IFT74: variants seen among roughly 807,000 people sequenced by gnomAD.
IFT74 encodes the protein intraflagellar transport protein 74 homolog.
In IFT74, 92 loss-of-function variants were observed where a neutral mutation model predicts 96.7. The observed-to-expected ratio is 0.95, with a 90% confidence interval of 0.80 to 1.13. IFT74 has a LOEUF of 1.13. IFT74 is among the 50% of genes most tolerant of loss of function. The pLI is 0.00. For missense variants in IFT74, 811 were observed against 698.2 expected (o/e 1.16, Z -1.82); for synonymous variants, 223 against 213.2 (o/e 1.05, Z -0.40).
At chr9:27,038,666 C>A (rs938642376) in intron 13 of IFT74, among the ~76,000 whole-genome samples, 2 of 152,178 alleles carry the variant, frequency 1.3e-5, no homozygotes, top group African/African-American at 4.8e-5. Flanking sequence ...CATAGAAGAG[C>A]ATAGAGAAAC....
At chr9:26,998,873 A>G (rs1828314940) in intron 8 of IFT74, among the ~76,000 whole-genome samples, 1 of 151,948 alleles carries the variant, frequency 6.6e-6, no homozygotes, top group South Asian at 2.1e-4. Context: ...AAGCACCTGT[A>G]ATCCCAGCTA....
At chr9:26,962,309 C>T (rs2131481309) in intron 2 of IFT74, among the ~76,000 whole-genome samples, 1 of 152,294 alleles carries the variant, frequency 6.6e-6, no homozygotes, top group Non-Finnish European at 1.5e-5. Flanking sequence ...TTCTTTATTT[C>T]ATAAGCATAT....
chr9:26,980,419 C>G (rs1827319995), intron 3 of IFT74, 152 bp from the exon 4 acceptor site: 1 of 690,496 alleles, frequency 1.4e-6, no homozygotes, highest in African/African-American at 1.8e-5. Flanking sequence ...GGTATTAGTT[C>G]TCTTTTCAGT....
intron 13 of IFT74, among the ~76,000 whole-genome samples, chr9:27,030,613 G>A (rs941265547): frequency 1.3e-5 from 2 of 151,104 alleles, no homozygotes; most frequent in Non-Finnish European, 2.9e-5. Context: ...GTGTATGTGT[G>A]TGCTAACTAG....
At chr9:26,947,346 G>T (rs1000712928) in intron 1 of IFT74, 11 of 400,412 alleles carry the variant, frequency 2.7e-5, no homozygotes, top group African/African-American at 2.3e-4. Flanking sequence ...CTTTCCTCCA[G>T]GGCTCTGGAC....
At chr9:26,996,976 C>T (rs956988368) in intron 8 of IFT74, among the ~76,000 whole-genome samples, 9 of 152,082 alleles carry the variant, frequency 5.9e-5, no homozygotes, top group African/African-American at 1.9e-4. Flanking sequence ...TTTGGGAGGC[C>T]GAGGCGGGTG....
rs113800911 is a variant in IFT74 at position 27,037,804 on chromosome 9, T to C, written c.1055-6938T>C. Among the ~76,000 whole-genome samples, 565 of 152,272 alleles carry C rather than the reference T, an allele frequency of 3.7e-3. 4 individuals are homozygous for C. The highest frequency in any genetic ancestry group is 0.013 in the African/African-American group (539 of 41,562). On this transcript the variant is annotated intron_variant, in intron 13 of 19. Coordinates refer to ENST00000380062, the MANE Select transcript of IFT74 (RefSeq NM_025103.4). ...AATAGGAAGGCTTGGGTGATGGCCATCTTGTTCCTGGAATTCAGTTTTATT... is the reference window on the plus strand; with the variant it reads ...AATAGGAAGGCTTGGGTGATGGCCACCTTGTTCCTGGAATTCAGTTTTATT...
chr9:26,983,195 A>C (rs1251113216), intron 4 of IFT74, among the ~76,000 whole-genome samples: 1 of 152,190 alleles, frequency 6.6e-6, no homozygotes, highest in African/African-American at 2.4e-5. Context: ...CTGTTCTCAA[A>C]GCTAAGAGTA....
In IFT74 at chr9:27,018,707, G is replaced by T; in HGVS notation, c.974+20G>T. 7.0e-7 allele frequency: 1 copy of T among 1,428,496 alleles called. No individual in the cohort carries two copies. The highest frequency in any genetic ancestry group is 1.4e-5 in the South Asian group (1 of 73,278). 88.5% of individuals were successfully genotyped at this position (1,428,496 alleles called of 1,614,324 possible). ...AAGACAGTAAGTATCTTTATACTAG[G>T]ACATTTTACATCCATTTCTCACTTT... On this transcript the variant is annotated intron_variant, in intron 12 of 19. Transcript: ENST00000380062.
intron 13 of IFT74, 59 bp downstream of exon 13, chr9:27,029,163 T>A (rs1830009126): frequency 7.7e-7 from 1 of 1,293,086 alleles, no homozygotes; most frequent in South Asian, 1.4e-5. Flanking sequence ...ATTAATATAG[T>A]GTTAACTGGT....
intron 13 of IFT74, among the ~76,000 whole-genome samples, chr9:27,043,168 C>A (rs748812968): frequency 6.6e-6 from 1 of 152,130 alleles, no homozygotes; most frequent in Admixed American, 6.6e-5. Flanking sequence ...TGTAGCCTGG[C>A]TAGGAATTTG....
intron 8 of IFT74, among the ~76,000 whole-genome samples, chr9:27,007,127 A>G (rs928832337): frequency 2.0e-4 from 30 of 152,148 alleles, no homozygotes; most frequent in African/African-American, 4.8e-4. Flanking sequence ...ATGAGCCACC[A>G]TGCCCAGCCT....
intron 19 of IFT74, 113 bp downstream of exon 19, chr9:27,060,764 C>T (rs1489829071): frequency 1.7e-6 from 1 of 585,962 alleles, no homozygotes; most frequent in African/African-American, 1.9e-5. Context: ...TGAGACCACC[C>T]TGGCTAACAC....
In IFT74 at chr9:26,947,351, C is replaced by T. The variant is rs541284838; in HGVS notation, c.-20+205C>T. 2.2e-5 allele frequency: 8 copies of T among 364,304 alleles called. No individual in the cohort carries two copies. In the East Asian group the frequency reaches 3.9e-4, roughly 18 times the overall value. The allele number at this position is 364,304 out of a possible 1,614,324, so 22.6% of individuals were successfully genotyped here. On this transcript the variant is annotated intron_variant, in intron 1 of 19. Coordinates refer to the IFT74 transcript ENST00000433700. ...GCTGAGCTGGCTTTCCTCCAGGGCT[C>T]TGGACTCCCTGCTGAGCAAGAGAGA... is the stretch of plus-strand genomic sequence containing the variant.
chr9:27,062,183 C>G (rs773092953), intron 19 of IFT74, among the ~76,000 whole-genome samples: 3 of 152,144 alleles, frequency 2.0e-5, no homozygotes, highest in Admixed American at 1.3e-4. Context: ...ACAGTATGCT[C>G]TAAGTCTCAC....
intron 8 of IFT74, among the ~76,000 whole-genome samples, chr9:27,008,184 A>G (rs1435355629): frequency 6.6e-6 from 1 of 152,240 alleles, no homozygotes; most frequent in Non-Finnish European, 1.5e-5. Context: ...AGCAAAGCAT[A>G]TTATTAATCT....
intron 2 of IFT74, among the ~76,000 whole-genome samples, chr9:26,970,646 G>A (rs753920105): frequency 6.6e-5 from 10 of 152,196 alleles, no homozygotes; most frequent in Non-Finnish European, 1.2e-4. Context: ...ACATTTACCA[G>A]GAAGAGATAT....
At chr9:27,053,646 T>C (rs1820028615) in intron 16 of IFT74, among the ~76,000 whole-genome samples, 1 of 152,204 alleles carries the variant, frequency 6.6e-6, no homozygotes, top group Non-Finnish European at 1.5e-5. Flanking sequence ...ATTTAGCTTT[T>C]CATTGCGGAC....
Position 27,062,863 on chromosome 9 carries a change from T to C in IFT74, c.*127T>C, listed in dbSNP as rs1820489587. Reference sequence around the variant, plus strand: ...TAAAATTTCTGAATGTTATAATTTTTGTGGCCTCTTTTAAGAATGATATTT... The same window carrying C: ...TAAAATTTCTGAATGTTATAATTTTCGTGGCCTCTTTTAAGAATGATATTT... On this transcript the variant is annotated 3_prime_UTR_variant, in exon 20 of 20. Transcript: ENST00000380062. 1.6e-6 allele frequency: 1 copy of C among 624,980 alleles called. No individual in the cohort carries two copies. Among genetic ancestry groups the C allele is most frequent in the East Asian group, 3.1e-5 (1 of 32,696 alleles). 38.7% of individuals were successfully genotyped at this position (624,980 alleles called of 1,614,324 possible). A position where few individuals can be genotyped will look rare whatever the true frequency, so the allele number is the denominator to read the frequency against.
Sources: gnomAD v4.1 joint callset for allele counts (sites outside exome capture counted in the v4.1 genomes callset) on GRCh38, gnomAD v4.1.1 for gene constraint, MANE v1.5 for transcripts, NCBI Gene and HGNC (gene_info 2026-07-23, HGNC 2026-07-21) for gene names.